DMRT1: variants seen among roughly 807,000 people sequenced by gnomAD.
The protein encoded by DMRT1 is doublesex- and mab-3-related transcription factor 1.
DMRT1 carries 7 observed loss-of-function variants against 32.3 expected under a neutral mutation model. The observed-to-expected ratio is 0.22, with a 90% CI of 0.12 to 0.41. The LOEUF (loss-of-function observed/expected upper bound fraction) is 0.41. Ranked by LOEUF, DMRT1 falls within the 10% of genes least tolerant of loss-of-function variation. The probability of loss-of-function intolerance (pLI) is 1.00; values close to 1 mark genes in which losing one functional copy is unlikely to be tolerated. For missense variants in DMRT1, 625 were observed against 500.5 expected (o/e 1.25, Z -2.37); for synonymous variants, 278 against 206.1 (o/e 1.35, Z -2.99).
chr9:862,752 T>C (rs1265020370), intron 2 of DMRT1, among the ~76,000 whole-genome samples: 3 of 151,886 alleles, frequency 2.0e-5, no homozygotes, highest in Non-Finnish European at 2.9e-5. Flanking sequence ...GTGTTGTCAA[T>C]GGTATTCCCT....
At chr9:871,146 C>G (rs1335857987) in intron 2 of DMRT1, among the ~76,000 whole-genome samples, 1 of 152,012 alleles carries the variant, frequency 6.6e-6, no homozygotes, top group Non-Finnish European at 1.5e-5. Context: ...AAGCCATCAT[C>G]CTACCTCAGC....
At chr9:897,222 C>G (rs904562382) in intron 3 of DMRT1, among the ~76,000 whole-genome samples, 38 of 151,888 alleles carry the variant, frequency 2.5e-4, no homozygotes, top group African/African-American at 8.0e-4. Flanking sequence ...AAGTGATTCT[C>G]CTGCCTCAGC....
At chr9:865,076 A>G (rs1460696860) in intron 2 of DMRT1, among the ~76,000 whole-genome samples, 1 of 152,130 alleles carries the variant, frequency 6.6e-6, no homozygotes, top group Non-Finnish European at 1.5e-5. Flanking sequence ...GCTATCTCAG[A>G]GTCATTTTAC....
At chr9:937,810 C>G (rs1818935575) in intron 4 of DMRT1, among the ~76,000 whole-genome samples, 1 of 151,214 alleles carries the variant, frequency 6.6e-6, no homozygotes, top group South Asian at 2.1e-4. Context: ...TTTTTACTCT[C>G]TTTTTAGTAT....
chr9:860,055 G>C (rs1052171472), intron 2 of DMRT1, among the ~76,000 whole-genome samples: 2 of 152,202 alleles, frequency 1.3e-5, no homozygotes, highest in South Asian at 2.1e-4. Flanking sequence ...CCAGCACTTT[G>C]GGAGGCCGAG....
At chr9:958,319 G>T (rs899493479) in intron 4 of DMRT1, among the ~76,000 whole-genome samples, 4 of 152,196 alleles carry the variant, frequency 2.6e-5, no homozygotes, top group African/African-American at 7.2e-5. Flanking sequence ...TTCTACTTGA[G>T]AAATGGCTTG....
intron 2 of DMRT1, among the ~76,000 whole-genome samples, chr9:878,559 C>T (rs749575759): frequency 6.6e-6 from 1 of 152,162 alleles, no homozygotes; most frequent in Non-Finnish European, 1.5e-5. Context: ...TACTGTCTGA[C>T]CTCAGAGAAG....
intron 3 of DMRT1, among the ~76,000 whole-genome samples, chr9:900,247 G>C (rs143491740): frequency 6.6e-6 from 1 of 152,182 alleles, no homozygotes; most frequent in African/African-American, 2.4e-5. Flanking sequence ...TTCCTGGCCC[G>C]GTGCTCCAGC....
chr9:853,110 C>G (rs140103312), intron 2 of DMRT1, among the ~76,000 whole-genome samples: 3 of 152,232 alleles, frequency 2.0e-5, no homozygotes, highest in Non-Finnish European at 2.9e-5. Context: ...GTTTTAGGTT[C>G]ACAGCAAAAT....
intron 3 of DMRT1, among the ~76,000 whole-genome samples, chr9:895,865 C>G (rs1265223526): frequency 7.0e-6 from 1 of 142,760 alleles, no homozygotes; most frequent in African/African-American, 2.6e-5. Context: ...AGTACAGTGG[C>G]GCGATCTCGG....
chr9:890,639 A>G (rs556066364), intron 2 of DMRT1, among the ~76,000 whole-genome samples: 69 of 152,270 alleles, frequency 4.5e-4, no homozygotes, highest in African/African-American at 1.6e-3. Context: ...TCTTTGGGCC[A>G]TGCATTGTGC....
intron 2 of DMRT1, among the ~76,000 whole-genome samples, chr9:868,876 G>A (rs1055622439): frequency 6.6e-6 from 1 of 152,112 alleles, no homozygotes; most frequent in Non-Finnish European, 1.5e-5. Flanking sequence ...TGGGTATGGT[G>A]GCACACACCT....
At chr9:889,410 C>A (rs1213676412) in intron 2 of DMRT1, among the ~76,000 whole-genome samples, 27 of 152,178 alleles carry the variant, frequency 1.8e-4, no homozygotes, top group Admixed American at 1.8e-3. Flanking sequence ...TATGGAACAA[C>A]TTTTCCAATA....
At chr9:952,268 C>T (rs1296163257) in intron 4 of DMRT1, among the ~76,000 whole-genome samples, 2 of 152,168 alleles carry the variant, frequency 1.3e-5, no homozygotes, top group Non-Finnish European at 2.9e-5. Flanking sequence ...GCCACAGTGC[C>T]TTTTATGCGT....
intron 1 of DMRT1, among the ~76,000 whole-genome samples, chr9:846,434 G>C (rs577531929): frequency 1.3e-5 from 2 of 152,254 alleles, no homozygotes; most frequent in Admixed American, 6.5e-5. Flanking sequence ...GAATGAAGGA[G>C]TGAGTGATCC....
intron 4 of DMRT1, among the ~76,000 whole-genome samples, chr9:954,969 G>C (rs1256118176): frequency 3.9e-5 from 6 of 152,206 alleles, no homozygotes; most frequent in Non-Finnish European, 5.9e-5. Context: ...TACAGACATA[G>C]TGCTCAGTAA....
intron 3 of DMRT1, among the ~76,000 whole-genome samples, chr9:912,709 T>C (rs28453929): frequency 0.011 from 1,667 of 152,276 alleles, 28 homozygotes; most frequent in African/African-American, 0.039. Flanking sequence ...TATAGGGGAT[T>C]GTTGGGATCT....
chr9:946,391 A>G (rs1305089571), intron 4 of DMRT1, among the ~76,000 whole-genome samples: 3 of 152,188 alleles, frequency 2.0e-5, no homozygotes, highest in Non-Finnish European at 2.9e-5. Flanking sequence ...CATTTCCATC[A>G]GAGCCAGCAT....
intron 3 of DMRT1, among the ~76,000 whole-genome samples, chr9:900,523 G>A (rs1326824025): frequency 6.6e-6 from 1 of 152,076 alleles, no homozygotes; most frequent in African/African-American, 2.4e-5. Context: ...TATTTGTGCT[G>A]TAGGAAGGCG....
Sources: gnomAD v4.1 joint callset for allele counts (sites outside exome capture counted in the v4.1 genomes callset) on GRCh38, gnomAD v4.1.1 for gene constraint, MANE v1.5 for transcripts, NCBI Gene and HGNC (gene_info 2026-07-23, HGNC 2026-07-21) for gene names.